Variants in ARSF observed in about 807,000 individuals in gnomAD.
ARSF encodes arylsulfatase F.
Under a neutral mutation model 35.4 loss-of-function variants are expected in ARSF, and 33 were observed. The ratio of observed to expected loss-of-function variants is 0.93; its 90% CI spans 0.71 to 1.25. The LOEUF (loss-of-function observed/expected upper bound fraction) is 1.25. Ranked by LOEUF, ARSF falls within the 50% of genes most tolerant of loss-of-function variation. ARSF has a pLI of 0.00. For synonymous variants in ARSF, 222 were observed against 193.1 expected (o/e 1.15, Z -1.24); for missense variants, 501 against 480.2 (o/e 1.04, Z -0.40).
At chrX:3,097,967 G>A (rs1193559759) in intron 7 of ARSF, among the ~76,000 whole-genome samples, 1 of 108,788 alleles carries the variant, frequency 9.2e-6, no homozygotes, top group Non-Finnish European at 1.9e-5. Flanking sequence ...AGCTGAGATC[G>A]TGCCATTGCA....
In ARSF at chrX:3,095,591, G is replaced by A. The variant is rs1390706735; in HGVS notation, c.968-5496G>A. Among the ~76,000 whole-genome samples the A allele has an allele frequency of 7.3e-5, 8 of 109,531 alleles. No homozygotes were observed. In the Admixed American group the frequency reaches 7.9e-4, roughly 11 times the overall value. On this transcript the variant is annotated intron_variant, in intron 7 of 10. Transcript: ENST00000381127. ...TTTCTGGGGTTTCCAACATAGGTAT[G>A]TTCACTACATTTAATGTTAAGTTTG...
At chrX:3,057,610 G>A (rs184480314) in intron 1 of ARSF, among the ~76,000 whole-genome samples, 32 of 112,080 alleles carry the variant, frequency 2.9e-4, no homozygotes, top group Admixed American at 9.5e-4. Flanking sequence ...GAATGTAGAC[G>A]TGTCGATGAT....
intron 6 of ARSF, among the ~76,000 whole-genome samples, chrX:3,087,512 T>C (rs1381410084): frequency 9.0e-6 from 1 of 111,607 alleles, no homozygotes; most frequent in Non-Finnish European, 1.9e-5. Context: ...TTAGTGCCCA[T>C]CCTAATTCCA....
At chrX:3,082,115 G>A (rs1318255954) in intron 5 of ARSF, among the ~76,000 whole-genome samples, 1 of 111,080 alleles carries the variant, frequency 9.0e-6, no homozygotes, top group African/African-American at 3.3e-5. Context: ...ACACATTATC[G>A]CAGCCTCTGA....
At chrX:3,053,328 C>CTTT (rs762769881) in intron 1 of ARSF, among the ~76,000 whole-genome samples, 2 of 92,997 alleles carry the variant, frequency 2.2e-5, no homozygotes, top group Non-Finnish European at 4.3e-5. Context: ...GTATCCACAA[C>CTTT]TTTTTTTTTT....
chrX:3,081,128 G>T (rs1413123388), intron 5 of ARSF, 115 bp downstream of exon 5: 1 of 981,470 alleles, frequency 1.0e-6, no homozygotes, highest in African/African-American at 1.9e-5. Flanking sequence ...TTATGTAAAG[G>T]CGCAGTGGCC....
intron 3 of ARSF, among the ~76,000 whole-genome samples, chrX:3,075,137 A>G (rs1235463901): frequency 3.6e-5 from 4 of 111,697 alleles, no homozygotes; most frequent in African/African-American, 1.3e-4. Flanking sequence ...AGGCATAAGT[A>G]AGGTCTGTAA....
intron 1 of ARSF, among the ~76,000 whole-genome samples, chrX:3,048,542 G>A (rs1363780042): frequency 1.8e-5 from 2 of 112,357 alleles, no homozygotes; most frequent in African/African-American, 6.5e-5. Context: ...TTTGTCTCGT[G>A]TCTACTTCTA....
At chrX:3,093,043 G>C (rs1252886009) in intron 7 of ARSF, among the ~76,000 whole-genome samples, 3 of 110,634 alleles carry the variant, frequency 2.7e-5, no homozygotes, top group African/African-American at 1.0e-4. Flanking sequence ...GCGGGCGTCT[G>C]TAGTCCCAGC....
chrX:3,063,307 AAAT>A (rs1251253584), intron 1 of ARSF, among the ~76,000 whole-genome samples: 1 of 111,539 alleles, frequency 9.0e-6, no homozygotes, highest in East Asian at 2.8e-4. Flanking sequence ...ACGTATCTCA[AAAT>A]AATAAGAGCT....
intron 1 of ARSF, among the ~76,000 whole-genome samples, chrX:3,055,140 C>G (rs1422228424): frequency 9.4e-6 from 1 of 106,256 alleles, no homozygotes; most frequent in Admixed American, 1.0e-4. Flanking sequence ...GTCAGGAGTT[C>G]GAGACCAGCC....
At chrX:3,054,399 C>CT (rs924324130) in intron 1 of ARSF, among the ~76,000 whole-genome samples, 8 of 111,171 alleles carry the variant, frequency 7.2e-5, no homozygotes, top group African/African-American at 2.3e-4. Context: ...TCCACAATGA[C>CT]TTTTTTTTAA....
At chrX:3,084,186 T>A (rs1190708331) in intron 5 of ARSF, 57 bp from the exon 6 acceptor site, 59 of 1,139,965 alleles carry the variant, frequency 5.2e-5, no homozygotes, top group Non-Finnish European at 6.8e-5. Context: ...GTTTTTGCAA[T>A]GTGCTGGCAT....
chrX:3,093,341 T>G (rs767777680), intron 7 of ARSF, among the ~76,000 whole-genome samples: 6 of 111,715 alleles, frequency 5.4e-5, no homozygotes, highest in Non-Finnish European at 9.4e-5. Flanking sequence ...AGATTTGAAG[T>G]ACAATAGCTC....
In ARSF at chrX:3,047,478, C is replaced by T. The variant is rs1486627888; in HGVS notation, c.-29+5815C>T. ...TACAGGCGTGATCCACTCTGCCCAC[C>T]GATATGCTTAATTTTTAAATGCCAC... is the stretch of plus-strand genomic sequence containing the variant. On this transcript the variant is annotated intron_variant, in intron 1 of 10. Coordinates refer to ENST00000381127, the MANE Select transcript of ARSF (RefSeq NM_001201539.2). Among the ~76,000 whole-genome samples, 7 of 110,832 alleles carry T rather than the reference C, an allele frequency of 6.3e-5. No homozygotes were observed. The South Asian group carries it at 1.2e-3, about 18-fold the overall frequency.
chrX:3,098,331 C>T (rs1204493276), intron 7 of ARSF, among the ~76,000 whole-genome samples: 1 of 106,609 alleles, frequency 9.4e-6, no homozygotes, highest in Non-Finnish European at 1.9e-5. Flanking sequence ...AAGTTGAAAA[C>T]CGTTCATACA....
At chrX:3,062,889 G>C (rs1401614505) in intron 1 of ARSF, among the ~76,000 whole-genome samples, 1 of 111,671 alleles carries the variant, frequency 9.0e-6, no homozygotes, top group Non-Finnish European at 1.9e-5. Flanking sequence ...AGAGGAGCTG[G>C]TACCATTACT....
At chrX:3,052,351 T>C (rs1245974921) in intron 1 of ARSF, among the ~76,000 whole-genome samples, 5 of 112,305 alleles carry the variant, frequency 4.5e-5, no homozygotes, top group Admixed American at 2.9e-4. Context: ...TTTTTCTGCA[T>C]GTCCTTCATA....
At chrX:3,065,984 G>A (rs912272840) in intron 1 of ARSF, among the ~76,000 whole-genome samples, 1 of 111,100 alleles carries the variant, frequency 9.0e-6, no homozygotes, top group African/African-American at 3.3e-5. Context: ...CAGCTATTCG[G>A]GAGGCTGAAG....
Sources: gnomAD v4.1 joint callset for allele counts (sites outside exome capture counted in the v4.1 genomes callset) on GRCh38, gnomAD v4.1.1 for gene constraint, MANE v1.5 for transcripts, NCBI Gene and HGNC (gene_info 2026-07-23, HGNC 2026-07-21) for gene names.